The following SULT2B1 variants were observed in gnomAD, a reference collection of about 807,000 sequenced individuals.
SULT2B1 encodes the protein sulfotransferase 2B1.
SULT2B1 carries 16 observed loss-of-function variants against 33.2 expected under a neutral mutation model. The ratio of observed to expected loss-of-function variants is 0.48; its 90% CI spans 0.33 to 0.73. The LOEUF (loss-of-function observed/expected upper bound fraction) is 0.73, where lower values mean the gene tolerates loss of function less well. SULT2B1 is among the 30% of genes least tolerant of loss of function. The pLI, the probability that SULT2B1 is intolerant of heterozygous loss-of-function variation, is 0.02. For synonymous variants in SULT2B1, 186 were observed against 200.5 expected, an observed-to-expected ratio of 0.93 and a Z score of 0.61; for missense variants, 500 against 506.0, an observed-to-expected ratio of 0.99 and a Z score of 0.11.
At chr19:48,561,444 A>AATAG (rs1231240993) in intron 1 of SULT2B1, among the ~76,000 whole-genome samples, 1 of 148,096 alleles carries the variant, frequency 6.8e-6, no homozygotes, top group Non-Finnish European at 1.5e-5. Flanking sequence ...TAAATAAATA[A>AATAG]ATAGATAGAT....
Position 48,552,708 on chromosome 19 carries a change from T to G in SULT2B1, c.71+385T>G, listed in dbSNP as rs1973045685. Among the ~76,000 whole-genome samples the G allele has an allele frequency of 6.6e-6, 1 of 152,122 alleles. No individual in the cohort carries two copies. Among genetic ancestry groups the G allele is most frequent in the Admixed American group, 6.5e-5 (1 of 15,270 alleles). ...AGCCTGTAGTACCCAGGACACCCCA[T>G]GCAAGCCCTGAAATAACGGGGGTGC... On this transcript the variant is annotated intron_variant, in intron 1 of 6. Coordinates refer to ENST00000201586, the MANE Select transcript of SULT2B1 (RefSeq NM_177973.2). The surrounding 1 kb of genome is among the most constrained non-coding windows in gnomAD (Gnocchi z 4.8).
intron 3 of SULT2B1, among the ~76,000 whole-genome samples, chr19:48,587,765 C>T (rs1385041814): frequency 1.3e-5 from 2 of 151,622 alleles, no homozygotes; most frequent in Non-Finnish European, 2.9e-5. Context: ...TGGTGGCACA[C>T]ACTTGTAGTC....
chr19:48,558,344 C>T (rs1445546957), intron 1 of SULT2B1, among the ~76,000 whole-genome samples: 2 of 152,132 alleles, frequency 1.3e-5, no homozygotes, highest in African/African-American at 2.4e-5. Flanking sequence ...CGTTAGCAGG[C>T]GCTCTGCGGT....
rs1424829717 is a variant in SULT2B1 at position 48,576,070 on chromosome 19, C to G, written c.201C>G (p.Thr67=). 17 of 1,611,918 alleles carry G rather than the reference C, an allele frequency of 1.1e-5. No individual in the cohort carries two copies. The highest frequency in any genetic ancestry group is 1.4e-5 in the Non-Finnish European group (17 of 1,179,142). The change falls in exon 2 of 7, where the codon ACC becomes ACG. Residue 67 remains threonine (T), a synonymous_variant. Coordinates refer to ENST00000201586, the MANE Select transcript of SULT2B1 (RefSeq NM_177973.2). ...GGGACGACGACATCTTTATCATCACCTACCCCAAGTCAGGTACCTGCCGGG... is the reference window on the plus strand; with the variant it reads ...GGGACGACGACATCTTTATCATCACGTACCCCAAGTCAGGTACCTGCCGGG... ...DVRDDDIFII[T]YPKSGTTWMI...
chr19:48,583,159 AAAAAT>A (rs1364987855), intron 2 of SULT2B1, among the ~76,000 whole-genome samples: 3 of 141,452 alleles, frequency 2.1e-5, no homozygotes, highest in African/African-American at 8.9e-5. Context: ...CTCAAAAATA[AAAAAT>A]AAAAGAAAAA....
intron 1 of SULT2B1, among the ~76,000 whole-genome samples, chr19:48,553,605 G>A (rs1047916984): frequency 4.6e-5 from 7 of 152,084 alleles, no homozygotes; most frequent in Non-Finnish European, 8.8e-5. Context: ...GGGCCACCAC[G>A]CCTGGCCGCC....
chr19:48,566,860 G>A (rs998991527), intron 1 of SULT2B1, among the ~76,000 whole-genome samples: 7 of 151,906 alleles, frequency 4.6e-5, no homozygotes, highest in African/African-American at 1.4e-4. Context: ...AAAATTAGAG[G>A]GACGTGTTGG....
At chr19:48,555,576 CTCTCTCTCTCTCTTT>C (rs1368214135) in intron 1 of SULT2B1, among the ~76,000 whole-genome samples, 1 of 150,308 alleles carries the variant, frequency 6.7e-6, no homozygotes, top group East Asian at 2.0e-4. Flanking sequence ...CTCTCTCTCT[CTCTCTCTCTCTCTTT>C]TGAGACAGAG....
chr19:48,588,669 G>C (rs972777688), intron 3 of SULT2B1, among the ~76,000 whole-genome samples: 1 of 151,636 alleles, frequency 6.6e-6, no homozygotes. Flanking sequence ...ATTTACATTG[G>C]GGGGAGAGGG....
chr19:48,567,997 C>T lies in SULT2B1; in HGVS notation c.72-7944C>T, dbSNP rs545546305. On this transcript the variant is annotated intron_variant, in intron 1 of 6. Coordinates refer to ENST00000201586, the MANE Select transcript of SULT2B1 (RefSeq NM_177973.2). The stretch of plus-strand genomic sequence containing the variant: ...ATCCAAAAAATAAAAATAAGCAGGG[C>T]ACGGTGGCTTATGCCTGTAATCCCA... Among the ~76,000 whole-genome samples the T allele has an allele frequency of 2.0e-4, 30 of 150,452 alleles. No individual in the cohort carries two copies. The South Asian group carries it at 6.0e-3, about 30-fold the overall frequency.
chr19:48,590,430 C>T (rs1048360649), intron 3 of SULT2B1, among the ~76,000 whole-genome samples: 4 of 151,964 alleles, frequency 2.6e-5, no homozygotes, highest in South Asian at 4.1e-4. Context: ...GGTGAAAACC[C>T]GTCTCTACTA....
chr19:48,560,812 T>G (rs1226835116), intron 1 of SULT2B1, among the ~76,000 whole-genome samples: 1 of 150,848 alleles, frequency 6.6e-6, no homozygotes, highest in Admixed American at 6.6e-5. Context: ...TATACAGAAA[T>G]TAGGACAGCC....
chr19:48,583,539 C>T (rs890679009), intron 2 of SULT2B1, among the ~76,000 whole-genome samples: 1 of 152,202 alleles, frequency 6.6e-6, no homozygotes, highest in African/African-American at 2.4e-5. Flanking sequence ...GAAATTCGTC[C>T]GGGTGCAGTG....
In SULT2B1 at chr19:48,578,444, C is replaced by T. The variant is rs549348831; in HGVS notation, c.214+2361C>T. Among the ~76,000 whole-genome samples, 12 of 151,346 alleles carry T rather than the reference C, an allele frequency of 7.9e-5. No individual in the cohort carries two copies. In the East Asian group the frequency reaches 1.2e-3, roughly 15 times the overall value. On this transcript the variant is annotated intron_variant, in intron 2 of 6. Coordinates refer to ENST00000201586, the MANE Select transcript of SULT2B1 (RefSeq NM_177973.2). The stretch of plus-strand genomic sequence containing the variant: ...AAAACATACAAAAATTAGCCAGGCA[C>T]GATAGTGTATGCCTGTAGTTCCAGC...
intron 4 of SULT2B1, 61 bp downstream of exon 4, chr19:48,591,796 G>T: frequency 6.7e-7 from 1 of 1,497,766 alleles, no homozygotes. Context: ...ACCCTGATGG[G>T]CAGAGGGACA....
In SULT2B1 at chr19:48,591,779, C is replaced by G. The variant is rs764712967; in HGVS notation, c.550+44C>G. On this transcript the variant is annotated intron_variant, in intron 4 of 6. Transcript: ENST00000201586. ...GGGGCAGGAGGGGTGGGGAGGAGCC[C>G]CAGAGGACCCTGATGGGCAGAGGGA... 3.9e-6 allele frequency: 6 copies of G among 1,522,312 alleles called. No homozygotes were observed. The South Asian group carries it at 6.3e-5, about 16-fold the overall frequency. The allele number at this position is 1,522,312 out of a possible 1,614,324, so 94.3% of individuals were successfully genotyped here.
intron 1 of SULT2B1, among the ~76,000 whole-genome samples, chr19:48,557,369 G>C (rs184265042): frequency 6.6e-6 from 1 of 151,544 alleles, no homozygotes; most frequent in African/African-American, 2.4e-5. Flanking sequence ...GTAAAACCCC[G>C]TCTCTACTAA....
At chr19:48,568,337 T>C (rs1973271382) in intron 1 of SULT2B1, among the ~76,000 whole-genome samples, 1 of 150,268 alleles carries the variant, frequency 6.7e-6, no homozygotes, top group African/African-American at 2.5e-5. Context: ...GCCAGCAGGA[T>C]GCGGAGATGG....
At chr19:48,595,542 G>A (rs1973699577) in intron 5 of SULT2B1, among the ~76,000 whole-genome samples, 2 of 152,108 alleles carry the variant, frequency 1.3e-5, no homozygotes, top group South Asian at 4.1e-4. Context: ...GGCCCTTCTG[G>A]AAGCCCCATG....
Sources: allele counts gnomAD v4.1 joint callset (sites outside exome capture counted in the v4.1 genomes callset), GRCh38; gene constraint gnomAD v4.1.1; non-coding constraint Gnocchi (gnomAD v3.1); transcripts MANE v1.5; gene names NCBI Gene and HGNC (gene_info 2026-07-23, HGNC 2026-07-21).